The following SART1 variants were observed in gnomAD, a reference collection of about 807,000 sequenced individuals.
The protein encoded by SART1 is U4/U6.U5 tri-snRNP-associated protein 1.
SART1 carries 28 observed loss-of-function variants against 105.0 expected under a neutral mutation model. That is an observed-to-expected ratio of 0.27 (90% CI 0.20 to 0.37). The LOEUF (loss-of-function observed/expected upper bound fraction) is 0.37, where lower values mean the gene tolerates loss of function less well. Ranked by LOEUF, SART1 falls within the 10% of genes least tolerant of loss-of-function variation. SART1 has a pLI of 1.00. For synonymous variants in SART1, 472 were observed against 462.9 expected, an observed-to-expected ratio of 1.02 and a Z score of -0.25; for missense variants, 894 against 1,106.5, an observed-to-expected ratio of 0.81 and a Z score of 2.72.
chr11:65,967,418 G>A (rs201218299), intron 10 of SART1, 35 bp downstream of exon 10: 1 of 1,613,784 alleles, frequency 6.2e-7, no homozygotes, highest in Non-Finnish European at 8.5e-7. Flanking sequence ...CGAGATGGCT[G>A]GGCTGGGGTG....
In SART1 at chr11:65,976,511, G is replaced by A. The variant is rs1368659346; in HGVS notation, c.1689G>A (p.Leu563=). ...CCACGTCCGAGTTCTGCCGCACCTT[G>A]GGGGAGATCCCCACCTACGGGCTGG... ...FNATSEFCRT[L]GEIPTYGLAG... is the part of the protein sequence containing the mutation. Residue 563 remains leucine, a synonymous_variant, in exon 13 of 20, where the codon TTG becomes TTA. Coordinates refer to ENST00000312397, the MANE Select transcript of SART1 (RefSeq NM_005146.5). This position sits in a 1 kb window ranked among gnomAD's most constrained non-coding sequence, Gnocchi z 5.1. 2.5e-6 allele frequency: 4 copies of A among 1,599,294 alleles called. No individual in the cohort carries two copies. Among genetic ancestry groups the A allele is most frequent in the Non-Finnish European group, 3.4e-6 (4 of 1,172,432 alleles).
Position 65,979,428 on chromosome 11 carries a change from G to A in SART1, c.*398G>A. On this transcript the variant is annotated 3_prime_UTR_variant, in exon 20 of 20. Coordinates refer to ENST00000312397, the MANE Select transcript of SART1 (RefSeq NM_005146.5). The stretch of plus-strand genomic sequence containing the variant: ...GCCCAGCCTGGTGGGCTGGGGATTG[G>A]GCTTTGGGTAGGGCACAGGTGCCAC... The A allele has an allele frequency of 3.9e-6, 1 of 258,972 alleles. No individual in the cohort carries two copies. Among genetic ancestry groups the A allele is most frequent in the South Asian group, 5.4e-5 (1 of 18,642 alleles). The allele number at this position is 258,972 out of a possible 1,614,324, so 16.0% of individuals were successfully genotyped here. A position where few individuals can be genotyped will look rare whatever the true frequency, so the allele number is the denominator to read the frequency against.
intron 12 of SART1, among the ~76,000 whole-genome samples, chr11:65,969,424 G>C (rs1360279818): frequency 6.6e-6 from 1 of 152,160 alleles, no homozygotes; most frequent in East Asian, 1.9e-4. Flanking sequence ...CAGCCTGCCT[G>C]CACATTAGAC....
In SART1 at chr11:65,978,976, G is replaced by C; in HGVS notation, c.2385-36G>C. Reference sequence around the variant, plus strand: ...GGGAGGGGTGGCGTGGCCTGTGCCCGCCTCTGCAGCCTCACGCCCCTGTTC... The same window carrying C: ...GGGAGGGGTGGCGTGGCCTGTGCCCCCCTCTGCAGCCTCACGCCCCTGTTC... On this transcript the variant is annotated intron_variant, in intron 19 of 19. Transcript: ENST00000312397. The surrounding 1 kb of genome is among the most constrained non-coding windows in gnomAD (Gnocchi z 6.8). 1.2e-6 allele frequency: 2 copies of C among 1,613,920 alleles called. No homozygotes were observed. The highest frequency in any genetic ancestry group is 1.7e-6 in the Non-Finnish European group (2 of 1,179,960).
rs1233467348 is a variant in SART1, at chr11:65,965,112, C to G, written c.448C>G (p.Pro150Ala). 7 of 1,582,866 alleles carry G rather than the reference C, an allele frequency of 4.4e-6. No homozygotes were observed. The East Asian group carries it at 9.0e-5, about 20-fold the overall frequency. ...IKKEAGTKEE[P>A]VTADVINPMA... ...TCCAGAGGCGGGCACCAAGGAGGAG[C>G]CCGTGACAGCTGATGTCATCAACCC... The change falls in exon 4 of 20, where the codon CCC becomes GCC. Residue 150 changes from proline (P) to alanine (A), a missense_variant. Physicochemically the swap from Pro to Ala is conservative, Grantham distance 27 (BLOSUM62 -1). Coordinates refer to ENST00000312397, the MANE Select transcript of SART1 (RefSeq NM_005146.5).
rs549348095 is a variant in SART1 at position 65,975,101 on chromosome 11, C to CTT, written c.1573-1276_1573-1275dup. 2.3e-3 allele frequency among the ~76,000 whole-genome samples: 295 copies of CTT among 128,124 alleles called. 3 individuals are homozygous for CTT. The highest frequency in any genetic ancestry group is 7.7e-3 in the African/African-American group (264 of 34,094). 84.1% of individuals were successfully genotyped at this position (128,124 alleles called of 152,430 possible). ...AAATGTTCCTGGATGTCCTGGAAGA[C>CTT]TTTTTTTTTTTTTTTTTTTGGAGAC... On this transcript the variant is annotated intron_variant, in intron 12 of 19. Transcript: ENST00000312397.
chr11:65,978,672 A>C lies in SART1; in HGVS notation c.2245A>C (p.Lys749Gln). The C allele has an allele frequency of 6.2e-7, 1 of 1,604,202 alleles. No homozygotes were observed. The highest frequency in any genetic ancestry group is 8.5e-7 in the Non-Finnish European group (1 of 1,175,624). The change falls in exon 18 of 20, where the codon AAG becomes CAG. Residue 749 changes from lysine to glutamine, a missense_variant. By Grantham distance (53) the Lys-to-Gln change is moderately conservative. Around this residue, in one of 2 missense-constraint regions of SART1, gnomAD observed 182 missense variants for 328.3 expected, o/e 0.55. Coordinates refer to ENST00000312397, the MANE Select transcript of SART1 (RefSeq NM_005146.5). This position sits in a 1 kb window ranked among gnomAD's most constrained non-coding sequence, Gnocchi z 6.8. Reference sequence around the variant, plus strand: ...GATGAAGACAGAGCGGCGGATGAAGAAGCTGGACGAGGAGGCGGTGGGTGC... The same window carrying C: ...GATGAAGACAGAGCGGCGGATGAAGCAGCTGGACGAGGAGGCGGTGGGTGC... ...GKMKTERRMK[K>Q]LDEEALLKKM... is the part of the protein sequence containing the mutation.
rs1855491181 is a variant in SART1, at chr11:65,976,834, G to C, written c.1857+68G>C. The C allele has an allele frequency of 7.3e-7, 1 of 1,370,452 alleles. No homozygotes were observed. Among genetic ancestry groups the C allele is most frequent in the Non-Finnish European group, 1.0e-6 (1 of 988,028 alleles). 84.9% of individuals were successfully genotyped at this position (1,370,452 alleles called of 1,614,324 possible). On this transcript the variant is annotated intron_variant, in intron 14 of 19. Transcript: ENST00000312397. This position sits in a 1 kb window ranked among gnomAD's most constrained non-coding sequence, Gnocchi z 5.1. ...AAGCTGGAGATGAGCACCGGGCTCG[G>C]TGTCCAGAGCCTCAGCCTCCTCATC...
At position 65,961,761 on chromosome 11, in the gene SART1, C is replaced by G; in HGVS notation, c.-20C>G. Reference sequence around the variant, plus strand: ...TTGTCTGGGCTCGGCGGCAGCCGGGCTCGGAGTGGACGTGCCACTATGGGG... The same window carrying G: ...TTGTCTGGGCTCGGCGGCAGCCGGGGTCGGAGTGGACGTGCCACTATGGGG... On this transcript the variant is annotated 5_prime_UTR_variant, in exon 1 of 20. Transcript: ENST00000312397. The G allele has an allele frequency of 6.8e-7, 1 of 1,477,012 alleles. No homozygotes were observed. The allele number at this position is 1,477,012 out of a possible 1,614,324, so 91.5% of individuals were successfully genotyped here.
Position 65,965,935 on chromosome 11 carries a change from A to G in SART1, c.787A>G (p.Ile263Val). ...DLQGLTVEHA[I>V]DSFREGETMI... is the part of the protein sequence containing the mutation. ...GCAGGGCCTCACCGTGGAGCATGCCATTGATTCCTTCCGAGAAGGGGAGAC... is the reference window on the plus strand; with the variant it reads ...GCAGGGCCTCACCGTGGAGCATGCCGTTGATTCCTTCCGAGAAGGGGAGAC... Residue 263 changes from isoleucine (I) to valine (V), a missense_variant, in exon 7 of 20, where the codon ATT becomes GTT. Around this residue, in one of 2 missense-constraint regions of SART1, gnomAD observed 712 missense variants for 778.2 expected, o/e 0.91. Coordinates refer to ENST00000312397, the MANE Select transcript of SART1 (RefSeq NM_005146.5). The G allele has an allele frequency of 6.2e-7, 1 of 1,614,090 alleles. No individual in the cohort carries two copies. Among genetic ancestry groups the G allele is most frequent in the Non-Finnish European group, 8.5e-7 (1 of 1,180,026 alleles).
intron 12 of SART1, among the ~76,000 whole-genome samples, chr11:65,973,243 T>C (rs1361329716): frequency 6.6e-6 from 1 of 151,470 alleles, no homozygotes; most frequent in Non-Finnish European, 1.5e-5. Context: ...ATGAAGAATA[T>C]AAAAAGGCAG....
chr11:65,963,474 T>C (rs1192168), intron 1 of SART1, among the ~76,000 whole-genome samples: 3 of 151,254 alleles, frequency 2.0e-5, no homozygotes, highest in East Asian at 1.9e-4. Context: ...AGGAAGAGTT[T>C]TTTTTTTGTT....
At chr11:65,964,991 C>T (rs912101137) in intron 3 of SART1, 101 bp from the exon 4 acceptor site, 167 of 1,427,026 alleles carry the variant, frequency 1.2e-4, no homozygotes, top group Non-Finnish European at 1.5e-4. Context: ...TGTCCTGACC[C>T]CTTCTGGCCC....
intron 12 of SART1, among the ~76,000 whole-genome samples, chr11:65,972,249 A>C (rs949668516): frequency 6.6e-6 from 1 of 152,156 alleles, no homozygotes; most frequent in Non-Finnish European, 1.5e-5. Context: ...GGATTGCATA[A>C]GGATAGACTA....
intron 9 of SART1, 84 bp downstream of exon 9, chr11:65,966,640 CAG>C (rs1855265870): frequency 7.3e-7 from 1 of 1,374,982 alleles, no homozygotes. Context: ...ACTGAGAAGA[CAG>C]GGCGAGTATT....
In SART1 at chr11:65,977,955, AGGGCCATGCAATGCCCC is replaced by A. The variant is rs557650553; in HGVS notation, c.2172+74_2172+90del. 3.1e-3 allele frequency: 4,873 copies of A among 1,573,158 alleles called. 33 individuals are homozygous for A. The highest frequency in any genetic ancestry group is 0.028 in the Middle Eastern group (154 of 5,594). On this transcript the variant is annotated intron_variant, in intron 17 of 19. Coordinates refer to ENST00000312397, the MANE Select transcript of SART1 (RefSeq NM_005146.5). ...GGCCTGCCACAGGGAGGCCAAGCCC[AGGGCCATGCAATGCCCC>A]GGGCCATGCAATGCCCCAGGGTCCT...
At chr11:65,965,628 T>G in intron 5 of SART1, 74 bp from the exon 6 acceptor site, 1 of 1,500,630 alleles carries the variant, frequency 6.7e-7, no homozygotes, top group Admixed American at 1.8e-5. Flanking sequence ...TGCACTCCGC[T>G]TGGTAGAGCC....
At chr11:65,963,492 GT>G (rs1855186226) in intron 1 of SART1, among the ~76,000 whole-genome samples, 1 of 148,572 alleles carries the variant, frequency 6.7e-6, no homozygotes, top group African/African-American at 2.4e-5. Context: ...GTTTTGTTTT[GT>G]TTTTTTGAGA....
Position 65,966,474 on chromosome 11 carries a change from G to A in SART1, c.1106G>A (p.Arg369Gln), listed in dbSNP as rs765745984. Residue 369 changes from arginine (R) to glutamine (Q), a missense_variant, in exon 9 of 20, where the codon CGG (arginine) becomes CAG (glutamine). Arg to Gln is a conservative substitution (Grantham distance 43, BLOSUM62 1). Transcript: ENST00000312397. ...GLRERELEEI[R>Q]AKLRLQAQSL... ...CGGGAGCGGGAGCTGGAGGAGATCCGGGCCAAGCTGCGGCTGCAGGCTCAG... is the reference window on the plus strand; with the variant it reads ...CGGGAGCGGGAGCTGGAGGAGATCCAGGCCAAGCTGCGGCTGCAGGCTCAG... 8 of 1,610,452 alleles carry A rather than the reference G, an allele frequency of 5.0e-6. No individual in the cohort carries two copies. In the South Asian group the frequency reaches 6.6e-5, roughly 13 times the overall value.
Sources: allele counts gnomAD v4.1 joint callset (sites outside exome capture counted in the v4.1 genomes callset), GRCh38; gene constraint gnomAD v4.1.1; regional missense constraint gnomAD v4.1.1; non-coding constraint Gnocchi (gnomAD v3.1); transcripts MANE v1.5; gene names NCBI Gene and HGNC (gene_info 2026-07-23, HGNC 2026-07-21).